RPS6KA3: variants seen among roughly 807,000 people sequenced by gnomAD.
RPS6KA3 encodes ribosomal protein S6 kinase alpha-3.
Under a neutral mutation model 67.2 loss-of-function variants are expected in RPS6KA3, and 4 were observed. The observed-to-expected ratio is 0.06, with a 90% confidence interval of 0.03 to 0.14. The LOEUF (loss-of-function observed/expected upper bound fraction) is 0.14, where lower values mean the gene tolerates loss of function less well. Ranked by LOEUF, RPS6KA3 falls within the 10% of genes least tolerant of loss-of-function variation. The probability of loss-of-function intolerance (pLI) is 1.00; values close to 1 mark genes in which losing one functional copy is unlikely to be tolerated. For synonymous variants in RPS6KA3, 182 were observed against 183.7 expected (o/e 0.99, Z 0.07); for missense variants, 204 against 559.0 (o/e 0.36, Z 6.40).
chrX:20,259,364 C>T (rs1035528306), intron 1 of RPS6KA3, among the ~76,000 whole-genome samples: 3 of 111,221 alleles, frequency 2.7e-5, no homozygotes, highest in Admixed American at 1.9e-4. Flanking sequence ...GGGCAATTAG[C>T]TTGATATTAA....
chrX:20,197,878 C>T (rs777352185), intron 4 of RPS6KA3, among the ~76,000 whole-genome samples: 4 of 111,787 alleles, frequency 3.6e-5, no homozygotes, highest in Non-Finnish European at 7.5e-5. Flanking sequence ...CAACTAGATT[C>T]CTCTGAAATA....
intron 1 of RPS6KA3, among the ~76,000 whole-genome samples, chrX:20,262,585 A>C (rs1242104054): frequency 2.7e-5 from 3 of 111,846 alleles, no homozygotes; most frequent in Non-Finnish European, 5.6e-5. Context: ...AAATAAAGCA[A>C]AGTTTTCTAG....
chrX:20,233,727 G>A (rs1170927161), intron 2 of RPS6KA3, among the ~76,000 whole-genome samples: 1 of 110,693 alleles, frequency 9.0e-6, no homozygotes, highest in Non-Finnish European at 1.9e-5. Flanking sequence ...CTCTAGCCTG[G>A]GTGACAGGGA....
intron 2 of RPS6KA3, among the ~76,000 whole-genome samples, chrX:20,216,778 G>C (rs1331399002): frequency 9.0e-6 from 1 of 110,916 alleles, no homozygotes; most frequent in African/African-American, 3.3e-5. Context: ...GTATGAAAGA[G>C]AGGTAGAGAA....
intron 1 of RPS6KA3, among the ~76,000 whole-genome samples, chrX:20,251,333 G>C (rs745571717): frequency 8.9e-6 from 1 of 112,281 alleles, no homozygotes; most frequent in Non-Finnish European, 1.9e-5. Context: ...GTAGAAATGG[G>C]GTCTTGCCAT....
chrX:20,175,169 C>T lies in RPS6KA3; in HGVS notation c.1222G>A (p.Val408Ile). Residue 408 changes from valine to isoleucine, a missense_variant, in exon 14 of 22, where the codon GTT becomes ATT. Physicochemically the swap from Val to Ile is conservative, Grantham distance 29. Around this residue, in one of 4 missense-constraint regions of RPS6KA3, gnomAD observed 24 missense variants for 25.1 expected, o/e 0.96. Transcript: ENST00000379565. ...AMQTVGVHSIVQQLHRNSIQF... is the reference protein window; with the variant it reads ...AMQTVGVHSIIQQLHRNSIQF... Reference sequence around the variant, plus strand: ...TTATTTAGACATCCACTCACCTGAACAATTGAATGTACACCAACTGTCTGC... The same window carrying T: ...TTATTTAGACATCCACTCACCTGAATAATTGAATGTACACCAACTGTCTGC... 1 of 1,206,766 alleles carries T rather than the reference C, an allele frequency of 8.3e-7. No homozygotes were observed. Among genetic ancestry groups the T allele is most frequent in the Non-Finnish European group, 1.1e-6 (1 of 890,838 alleles).
chrX:20,179,270 T>C (rs2067784091), intron 10 of RPS6KA3, among the ~76,000 whole-genome samples: 2 of 111,645 alleles, frequency 1.8e-5, no homozygotes, highest in East Asian at 5.6e-4. Context: ...AAGTCATGCA[T>C]GTAATATGTT....
At chrX:20,254,198 T>A (rs888285592) in intron 1 of RPS6KA3, among the ~76,000 whole-genome samples, 3 of 112,199 alleles carry the variant, frequency 2.7e-5, no homozygotes, top group Non-Finnish European at 5.6e-5. Flanking sequence ...AATTCATTTA[T>A]CTGTTGACTT....
intron 10 of RPS6KA3, among the ~76,000 whole-genome samples, chrX:20,177,358 GTGT>G (rs1393747616): frequency 8.9e-6 from 1 of 112,052 alleles, no homozygotes; most frequent in Non-Finnish European, 1.9e-5. Context: ...ATTTGTGTGT[GTGT>G]TTAGTTCTAT....
intron 2 of RPS6KA3, among the ~76,000 whole-genome samples, chrX:20,210,626 G>T (rs776262830): frequency 1.8e-5 from 2 of 111,441 alleles, no homozygotes; most frequent in South Asian, 7.5e-4. Flanking sequence ...AAGGAATCCA[G>T]GCCCACTACT....
chrX:20,204,440 A>G (rs2068522751), intron 3 of RPS6KA3, among the ~76,000 whole-genome samples: 1 of 112,413 alleles, frequency 8.9e-6, no homozygotes, highest in African/African-American at 3.2e-5. Context: ...AGGTGGTATG[A>G]TGTCCTGCTT....
At chrX:20,236,488 C>T (rs2069414656) in intron 1 of RPS6KA3, among the ~76,000 whole-genome samples, 1 of 111,472 alleles carries the variant, frequency 9.0e-6, no homozygotes, top group Non-Finnish European at 1.9e-5. Context: ...ATGAACTCCC[C>T]TCTTTGTTTT....
At chrX:20,200,303 T>C (rs753445187) in intron 4 of RPS6KA3, among the ~76,000 whole-genome samples, 2 of 111,831 alleles carry the variant, frequency 1.8e-5, no homozygotes, top group South Asian at 3.7e-4. Context: ...AATTGCAATA[T>C]AAAAGTGTTG....
chrX:20,205,721 C>T (rs7474290), intron 3 of RPS6KA3, among the ~76,000 whole-genome samples: 38,664 of 110,824 alleles, frequency 0.35, 7,770 homozygotes, highest in African/African-American at 0.77. Context: ...ATATTTTTGA[C>T]GGAAATAAAA....
At chrX:20,253,770 C>G (rs1409012482) in intron 1 of RPS6KA3, among the ~76,000 whole-genome samples, 2 of 111,518 alleles carry the variant, frequency 1.8e-5, no homozygotes, top group African/African-American at 6.5e-5. Flanking sequence ...TTATATTATT[C>G]TTTACTAATT....
intron 1 of RPS6KA3, among the ~76,000 whole-genome samples, chrX:20,259,026 G>A (rs938423107): frequency 9.0e-6 from 1 of 111,627 alleles, no homozygotes; most frequent in East Asian, 2.8e-4. Flanking sequence ...ATTCTGTTAT[G>A]GTATGTAAAA....
chrX:20,248,919 T>C (rs2069782238), intron 1 of RPS6KA3, among the ~76,000 whole-genome samples: 1 of 111,651 alleles, frequency 9.0e-6, no homozygotes, highest in Admixed American at 9.5e-5. Flanking sequence ...TATCCACCAC[T>C]ACAGTAAAGA....
intron 2 of RPS6KA3, among the ~76,000 whole-genome samples, chrX:20,231,063 G>A (rs2069251244): frequency 9.0e-6 from 1 of 110,512 alleles, no homozygotes; most frequent in African/African-American, 3.3e-5. Flanking sequence ...GGGTTCAAGT[G>A]ATTCTCTGCT....
chrX:20,245,813 T>G (rs2069670850), intron 1 of RPS6KA3, among the ~76,000 whole-genome samples: 2 of 111,516 alleles, frequency 1.8e-5, no homozygotes, highest in African/African-American at 6.5e-5. Context: ...CCTTAGAGGA[T>G]GCCTGTGATT....
Sources: allele counts gnomAD v4.1 joint callset (sites outside exome capture counted in the v4.1 genomes callset), GRCh38; gene constraint gnomAD v4.1.1; regional missense constraint gnomAD v4.1.1; transcripts MANE v1.5; gene names NCBI Gene and HGNC (gene_info 2026-07-23, HGNC 2026-07-21).